SEC13: variants seen among roughly 807,000 people sequenced by gnomAD.
The protein encoded by SEC13 is protein SEC13 homolog.
Under a neutral mutation model 49.2 loss-of-function variants are expected in SEC13, and 25 were observed. That is an observed-to-expected ratio of 0.51 (90% CI 0.37 to 0.71). The LOEUF (loss-of-function observed/expected upper bound fraction) is 0.71, where lower values mean the gene tolerates loss of function less well. Ranked by LOEUF, SEC13 falls within the 30% of genes least tolerant of loss-of-function variation. The pLI, the probability that SEC13 is intolerant of heterozygous loss-of-function variation, is 0.00. For synonymous variants in SEC13, 148 were observed against 163.9 expected (o/e 0.90, Z 0.74); for missense variants, 383 against 417.6 (o/e 0.92, Z 0.72).
chr3:10,312,760 CCA>C (rs1701361432), intron 3 of SEC13, 30 bp from the exon 4 acceptor site: 3 of 1,612,442 alleles, frequency 1.9e-6, no homozygotes, highest in African/African-American at 1.3e-5. Context: ...CCAGAGGAAC[CCA>C]CAGTGCCTCT....
chr3:10,318,770 A>G (rs2059708952), intron 1 of SEC13, among the ~76,000 whole-genome samples: 1 of 152,142 alleles, frequency 6.6e-6, no homozygotes, highest in Non-Finnish European at 1.5e-5. Context: ...CCTCCTATCT[A>G]TTCTTTGAGG....
At chr3:10,307,333 C>T (rs151730) in intron 5 of SEC13, among the ~76,000 whole-genome samples, 32,329 of 151,820 alleles carry the variant, frequency 0.21, 3,725 homozygotes, top group Middle Eastern at 0.26. Flanking sequence ...CTCAGCCTCC[C>T]GTGTAGCTGG....
intron 1 of SEC13, chr3:10,319,066 A>G: frequency 7.3e-7 from 1 of 1,372,090 alleles, no homozygotes; most frequent in Non-Finnish European, 1.0e-6. Context: ...TTGCTCAACC[A>G]CTCTTCTCTT....
rs750098483 is a variant in SEC13, at chr3:10,315,424, T to A, written c.61A>T (p.Met21Leu). Residue 21 changes from methionine (M) to leucine (L), a missense_variant, in exon 3 of 9, where the codon ATG (methionine) becomes TTG (leucine). By Grantham distance (15) the Met-to-Leu change is conservative. Transcript: ENST00000350697. ...GCCAGGCGGGTGCCATAGTAGTCCA[T>A]CTGGGCGTCGTGCTGCAAAGGGAGG... ...SHEDMIHDAQ[M>L]DYYGTRLATC... The A allele has an allele frequency of 7.5e-7, 1 of 1,342,036 alleles. No individual in the cohort carries two copies. Among genetic ancestry groups the A allele is most frequent in the Admixed American group, 2.2e-5 (1 of 46,150 alleles). The allele number at this position is 1,342,036 out of a possible 1,614,324, so 83.1% of individuals were successfully genotyped here.
chr3:10,301,406 G>T (rs1270011208), intron 8 of SEC13, 32 bp from the exon 9 acceptor site: 3 of 1,613,722 alleles, frequency 1.9e-6, no homozygotes, highest in Non-Finnish European at 2.5e-6. Flanking sequence ...GATTATCACG[G>T]GTCTGTGCCC....
At chr3:10,320,520 A>C (rs1190303383) in intron 1 of SEC13, 1 of 985,580 alleles carries the variant, frequency 1.0e-6, no homozygotes, top group African/African-American at 1.7e-5. Flanking sequence ...TGGGGGCCCT[A>C]CCCCGAGCAA....
chr3:10,311,686 GGA>G (rs1389548559), intron 5 of SEC13: 1 of 1,323,674 alleles, frequency 7.6e-7, no homozygotes, highest in African/African-American at 1.5e-5. Flanking sequence ...CATGTCACCT[GGA>G]GGCAACCATA....
At chr3:10,306,044 A>C in intron 5 of SEC13, 2 of 183,460 alleles carry the variant, frequency 1.1e-5, no homozygotes, top group Non-Finnish European at 2.3e-5. Flanking sequence ...CCTGCCTGAA[A>C]AGCCCTGTCA....
At chr3:10,320,682 G>A in intron 1 of SEC13, 1 of 1,108,740 alleles carries the variant, frequency 9.0e-7, no homozygotes, top group Non-Finnish European at 1.1e-6. Context: ...GTGTTGAGAA[G>A]AATAGCACCT....
Position 10,304,020 on chromosome 3 carries a change from A to G in SEC13, c.855+6T>C. The G allele has an allele frequency of 6.2e-7, 1 of 1,613,956 alleles. No individual in the cohort carries two copies. The highest frequency in any genetic ancestry group is 8.5e-7 in the Non-Finnish European group (1 of 1,180,006). ...GTCCACCATGCCACGGGGAATGGGT[A>G]TGTACCTTATTGTCTCCACCAGAGA... On this transcript the variant is annotated splice_donor_region_variant and intron_variant, in intron 8 of 8. Transcript: ENST00000350697.
chr3:10,304,706 A>G (rs768444108), intron 7 of SEC13, among the ~76,000 whole-genome samples: 1 of 151,836 alleles, frequency 6.6e-6, no homozygotes, highest in Non-Finnish European at 1.5e-5. Context: ...TTCCCATCCA[A>G]CCCCATCGTT....
chr3:10,318,226 T>C, intron 1 of SEC13, 132 bp from the exon 2 acceptor site: 1 of 685,746 alleles, frequency 1.5e-6, no homozygotes, highest in Non-Finnish European at 2.6e-6. Context: ...TCTAAGTACC[T>C]TCTTTCTGCC....
Position 10,308,933 on chromosome 3 carries a change from ATTTTTTTTTT to A in SEC13, c.450+3022_450+3031del, listed in dbSNP as rs56801249. ...GGCTGAGCCATCACGCCTGGCCTTG[ATTTTTTTTTT>A]TTTTTTTTTTTTTGAGACAAGTCTT... On this transcript the variant is annotated intron_variant, in intron 5 of 8. Coordinates refer to ENST00000350697, the MANE Select transcript of SEC13 (RefSeq NM_183352.3). Among the ~76,000 whole-genome samples, 29 of 102,342 alleles carry A rather than the reference ATTTTTTTTTT, an allele frequency of 2.8e-4. No homozygotes were observed. In the South Asian group the frequency reaches 4.7e-3, roughly 17 times the overall value. The allele number at this position is 102,342 out of a possible 152,430, so 67.1% of individuals were successfully genotyped here. A position where few individuals can be genotyped will look rare whatever the true frequency, so the allele number is the denominator to read the frequency against.
At chr3:10,303,843 G>A (rs697232) in intron 8 of SEC13, 183 bp downstream of exon 8, 84,731 of 655,134 alleles carry the variant, frequency 0.13, 7,147 homozygotes, top group East Asian at 0.39. Context: ...AAAGGGGGAC[G>A]TGTTAATACT....
At chr3:10,317,973 G>A (rs1701709779) in intron 2 of SEC13, 77 bp downstream of exon 2, 4 of 1,007,932 alleles carry the variant, frequency 4.0e-6, no homozygotes, top group Non-Finnish European at 6.2e-6. Flanking sequence ...AAGGGGTAAT[G>A]AAAACCCCAA....
At chr3:10,301,979 C>T (rs1261082820) in intron 8 of SEC13, among the ~76,000 whole-genome samples, 2 of 152,142 alleles carry the variant, frequency 1.3e-5, no homozygotes, top group African/African-American at 4.8e-5. Flanking sequence ...TGGTGGCTCA[C>T]GCCTGTAATC....
chr3:10,320,954 C>G, intron 1 of SEC13, 96 bp downstream of exon 1: 1 of 1,575,410 alleles, frequency 6.3e-7, no homozygotes, highest in Non-Finnish European at 8.6e-7. Context: ...CTGAACGGCT[C>G]CAGCTTGGGA....
At chr3:10,307,467 G>A (rs1276433679) in intron 5 of SEC13, among the ~76,000 whole-genome samples, 1 of 152,128 alleles carries the variant, frequency 6.6e-6, no homozygotes, top group African/African-American at 2.4e-5. Flanking sequence ...ACAAAAAAAA[G>A]AGAGGTTTAA....
intron 2 of SEC13, among the ~76,000 whole-genome samples, chr3:10,315,939 G>C (rs1315609419): frequency 6.6e-6 from 1 of 152,230 alleles, no homozygotes; most frequent in Non-Finnish European, 1.5e-5. Context: ...CTGCACACAG[G>C]GTTCCATTCA....
Sources: allele counts gnomAD v4.1 joint callset (sites outside exome capture counted in the v4.1 genomes callset), GRCh38; gene constraint gnomAD v4.1.1; transcripts MANE v1.5; gene names NCBI Gene and HGNC (gene_info 2026-07-23, HGNC 2026-07-21).